BLVRA: variants seen among roughly 807,000 people sequenced by gnomAD.
BLVRA encodes BVR A.
BLVRA carries 22 observed loss-of-function variants against 32.8 expected under a neutral mutation model. The ratio of observed to expected loss-of-function variants is 0.67; its 90% CI spans 0.48 to 0.96. The LOEUF (loss-of-function observed/expected upper bound fraction) is 0.96. BLVRA is among the 40% of genes least tolerant of loss of function. The probability of loss-of-function intolerance (pLI) is 0.00; values close to 1 mark genes in which losing one functional copy is unlikely to be tolerated. For synonymous variants in BLVRA, 119 were observed against 141.3 expected (o/e 0.84, Z 1.12); for missense variants, 323 against 358.1 (o/e 0.90, Z 0.79).
At chr7:43,802,629 G>T (rs2095799805) in intron 6 of BLVRA, among the ~76,000 whole-genome samples, 1 of 152,070 alleles carries the variant, frequency 6.6e-6, no homozygotes, top group South Asian at 2.1e-4. Context: ...TTCCTGAGTA[G>T]CTGGGGCTGC....
chr7:43,792,419 G>C (rs2095787176), intron 4 of BLVRA, among the ~76,000 whole-genome samples: 1 of 152,170 alleles, frequency 6.6e-6, no homozygotes, highest in Non-Finnish European at 1.5e-5. Context: ...ATTTGTTAAT[G>C]TGTCTTTATT....
At chr7:43,800,709 T>A (rs1428403499) in intron 6 of BLVRA, 137 bp downstream of exon 6, 6 of 780,566 alleles carry the variant, frequency 7.7e-6, no homozygotes, top group Non-Finnish European at 1.3e-5. Flanking sequence ...TTTTCCCAGA[T>A]GGGATTTAAT....
intron 1 of BLVRA, among the ~76,000 whole-genome samples, chr7:43,762,566 G>T (rs2095743488): frequency 7.0e-6 from 1 of 142,312 alleles, no homozygotes; most frequent in South Asian, 2.2e-4. Context: ...CTAGAGCTTT[G>T]TCAGCAATAA....
At position 43,803,835 on chromosome 7, in the gene BLVRA, C is replaced by CA. The variant is rs752906690; in HGVS notation, c.621dup (p.Glu208ArgfsTer10). On this transcript the variant is annotated frameshift_variant, in exon 7 of 8. Coordinates refer to ENST00000265523, the MANE Select transcript of BLVRA (RefSeq NM_000712.4). LOFTEE classifies it high-confidence loss of function. ...ATGAAAATGACAGTGTGTCTGGAGA[C>CA]AGAGAAGAAAAGGTAAGTCATGAGA... 1 of 1,613,916 alleles carries CA rather than the reference C, an allele frequency of 6.2e-7. No individual in the cohort carries two copies. The highest frequency in any genetic ancestry group is 1.1e-5 in the South Asian group (1 of 91,082).
chr7:43,802,196 A>G (rs1203572897), intron 6 of BLVRA, among the ~76,000 whole-genome samples: 1 of 152,098 alleles, frequency 6.6e-6, no homozygotes, highest in Non-Finnish European at 1.5e-5. Context: ...AGCCCTGGGG[A>G]AGTCTTTTTG....
At chr7:43,769,610 T>C (rs1044209115) in intron 1 of BLVRA, among the ~76,000 whole-genome samples, 2 of 151,464 alleles carry the variant, frequency 1.3e-5, no homozygotes, top group Non-Finnish European at 2.9e-5. Context: ...CTATTTTCTT[T>C]TTTTTTTTTT....
rs189675416 is a variant in BLVRA at position 43,782,039 on chromosome 7, T to C, written c.13-5865T>C. On this transcript the variant is annotated intron_variant, in intron 2 of 7. Transcript: ENST00000265523. ...TCTTATGAATTTCCATTGTGCTTTA[T>C]GTATCTTTTCTTTCGTTACCTTCCC... 1.6e-3 allele frequency among the ~76,000 whole-genome samples: 245 copies of C among 152,372 alleles called. 5 individuals are homozygous for C. Among genetic ancestry groups the C allele is most frequent in the Admixed American group, 0.016 (240 of 15,308 alleles).
intron 2 of BLVRA, among the ~76,000 whole-genome samples, chr7:43,784,642 C>T (rs1244040183): frequency 1.2e-4 from 16 of 131,650 alleles, no homozygotes; most frequent in Non-Finnish European, 4.6e-5. Flanking sequence ...GTTGCTCTGT[C>T]GCCCAGGCTG....
chr7:43,790,586 G>A (rs1049661744), intron 3 of BLVRA, among the ~76,000 whole-genome samples: 1 of 152,174 alleles, frequency 6.6e-6, no homozygotes, highest in African/African-American at 2.4e-5. Context: ...ATTAGGTTTG[G>A]TAGTCACAAT....
intron 1 of BLVRA, among the ~76,000 whole-genome samples, chr7:43,767,853 A>AT (rs1042644395): frequency 6.6e-6 from 1 of 152,058 alleles, no homozygotes; most frequent in African/African-American, 2.4e-5. Context: ...TACAAAAAAA[A>AT]AAGAAAGGGA....
chr7:43,797,354 C>T lies in BLVRA; in HGVS notation c.353-3111C>T, dbSNP rs568339070. ...CCGCCTGCCTGAGCCTCCCAAAGTG[C>T]TGGAATTACAGGCATGGGCCAACAT... On this transcript the variant is annotated intron_variant, in intron 5 of 7. Transcript: ENST00000265523. 5.3e-5 allele frequency among the ~76,000 whole-genome samples: 8 copies of T among 152,368 alleles called. No homozygotes were observed. In the East Asian group the frequency reaches 1.3e-3, roughly 26 times the overall value.
chr7:43,758,952 C>A (rs1173183864), intron 1 of BLVRA, among the ~76,000 whole-genome samples: 1 of 152,162 alleles, frequency 6.6e-6, no homozygotes, highest in Non-Finnish European at 1.5e-5. Context: ...GCGCGGGTCC[C>A]GGCAAGGGGC....
intron 1 of BLVRA, among the ~76,000 whole-genome samples, chr7:43,769,913 A>G (rs1044093756): frequency 1.3e-5 from 2 of 152,006 alleles, no homozygotes; most frequent in Non-Finnish European, 2.9e-5. Context: ...CCAGCTCCAA[A>G]AGCAGGCTAT....
At position 43,794,294 on chromosome 7, in the gene BLVRA, AC is replaced by A. The variant is rs376958550; in HGVS notation, c.352+1483del. On this transcript the variant is annotated intron_variant, in intron 5 of 7. Coordinates refer to ENST00000265523, the MANE Select transcript of BLVRA (RefSeq NM_000712.4). Reference sequence around the variant, plus strand: ...CAAACAAAAACCAAGTGAGTTGATCACTACTAGACCTGCCCTACAGGAAATG... The same window carrying A: ...CAAACAAAAACCAAGTGAGTTGATCATACTAGACCTGCCCTACAGGAAATG... 5.7e-3 allele frequency among the ~76,000 whole-genome samples: 867 copies of A among 152,306 alleles called. 10 individuals are homozygous for A. The highest frequency in any genetic ancestry group is 0.02 in the African/African-American group (838 of 41,556).
At chr7:43,776,500 T>A (rs1185418985) in intron 2 of BLVRA, among the ~76,000 whole-genome samples, 1 of 152,248 alleles carries the variant, frequency 6.6e-6, no homozygotes, top group East Asian at 1.9e-4. Flanking sequence ...CACTGTGGTC[T>A]GAGAGACAGT....
At chr7:43,766,085 C>T (rs1585710101) in intron 1 of BLVRA, among the ~76,000 whole-genome samples, 1 of 152,158 alleles carries the variant, frequency 6.6e-6, no homozygotes, top group East Asian at 1.9e-4. Context: ...GTGAGGAGTT[C>T]CAGACCAGCC....
intron 6 of BLVRA, among the ~76,000 whole-genome samples, chr7:43,801,972 T>C (rs1006815538): frequency 6.9e-6 from 1 of 144,902 alleles, no homozygotes; most frequent in Non-Finnish European, 1.5e-5. Context: ...CCGTCTCTAC[T>C]AAAAAAAAAA....
chr7:43,776,737 TGGG>T (rs2095761452), intron 2 of BLVRA, among the ~76,000 whole-genome samples: 2 of 152,160 alleles, frequency 1.3e-5, no homozygotes, highest in African/African-American at 2.4e-5. Flanking sequence ...ATGTTGACAG[TGGG>T]GTGTTAAAGT....
rs981863113 is a variant in BLVRA at position 43,787,555 on chromosome 7, A to G, written c.13-349A>G. Among the ~76,000 whole-genome samples the G allele has an allele frequency of 6.6e-6, 1 of 152,150 alleles. No homozygotes were observed. Among genetic ancestry groups the G allele is most frequent in the African/African-American group, 2.4e-5 (1 of 41,438 alleles). On this transcript the variant is annotated intron_variant, in intron 2 of 7. Transcript: ENST00000265523. This position sits in a 1 kb window ranked among gnomAD's most constrained non-coding sequence, Gnocchi z 4.5. Reference sequence around the variant, plus strand: ...GGAGGGACCCAGGGAGGGCAGAAGTACCAGGCCATGGGCTGGGTCTGGGTT... The same window carrying G: ...GGAGGGACCCAGGGAGGGCAGAAGTGCCAGGCCATGGGCTGGGTCTGGGTT...
Sources: gnomAD v4.1 joint callset for allele counts (sites outside exome capture counted in the v4.1 genomes callset) on GRCh38, gnomAD v4.1.1 for gene constraint, Gnocchi (gnomAD v3.1) non-coding constraint, MANE v1.5 for transcripts, NCBI Gene and HGNC (gene_info 2026-07-23, HGNC 2026-07-21) for gene names.